TMEM65: variants seen among roughly 807,000 people sequenced by gnomAD.
TMEM65 encodes transmembrane protein 65.
A neutral mutation model predicts 25.4 loss-of-function variants in TMEM65; 22 were observed. That is an observed-to-expected ratio of 0.86 (90% CI 0.62 to 1.23). TMEM65 has a LOEUF of 1.23. TMEM65 is among the 50% of genes most tolerant of loss of function. The pLI is 0.00. For synonymous variants in TMEM65, 132 were observed against 126.2 expected (o/e 1.05, Z -0.31); for missense variants, 262 against 308.2 (o/e 0.85, Z 1.12).
intron 1 of TMEM65, among the ~76,000 whole-genome samples, chr8:124,337,876 CAT>C (rs1370576917): frequency 2.0e-5 from 3 of 151,902 alleles, no homozygotes; most frequent in Admixed American, 1.3e-4. Context: ...TTCTTATACT[CAT>C]AGTTGCATAT....
chr8:124,354,236 A>T (rs1301693857), intron 1 of TMEM65, among the ~76,000 whole-genome samples: 1 of 152,210 alleles, frequency 6.6e-6, no homozygotes, highest in Non-Finnish European at 1.5e-5. Context: ...GATGGATGGA[A>T]ATTAAAAATA....
At position 124,308,065 on chromosome 8, in the gene TMEM65, GTCTT is replaced by G. The variant is rs1814115110; in HGVS notation, c.*5891_*5894del. On this transcript the variant is annotated 3_prime_UTR_variant, in exon 7 of 7. Transcript: ENST00000297632. Reference sequence around the variant, plus strand: ...GGGAAAAGATAAACACCAGCTGCCAGTCTTCTGGCAGTATAACAAGAAGGCCTGG... The same window carrying G: ...GGGAAAAGATAAACACCAGCTGCCAGCTGGCAGTATAACAAGAAGGCCTGG... 6.6e-6 allele frequency: 1 copy of G among 152,146 alleles called. No homozygotes were observed. The highest frequency in any genetic ancestry group is 2.4e-5 in the African/African-American group (1 of 41,426). 9.4% of individuals were successfully genotyped at this position (152,146 alleles called of 1,614,324 possible). A position where few individuals can be genotyped will look rare whatever the true frequency, so the allele number is the denominator to read the frequency against.
intron 5 of TMEM65, among the ~76,000 whole-genome samples, chr8:124,321,853 C>T (rs1814307290): frequency 6.6e-6 from 1 of 152,124 alleles, no homozygotes; most frequent in South Asian, 2.1e-4. Context: ...ATGAAAATTA[C>T]TAAACACAAC....
chr8:124,352,918 G>A (rs937024209), intron 1 of TMEM65, among the ~76,000 whole-genome samples: 1 of 152,152 alleles, frequency 6.6e-6, no homozygotes, highest in African/African-American at 2.4e-5. Context: ...CTTGAGGTCA[G>A]GAGTTTGAGA....
chr8:124,310,805 TAG>T lies in TMEM65; in HGVS notation c.*3153_*3154del, dbSNP rs1386424212. On this transcript the variant is annotated 3_prime_UTR_variant, in exon 7 of 7. Transcript: ENST00000297632. ...CAGACAACTGAGAAAAAAAGCAGAT[TAG>T]AGAGATAAAAGTTGCCAGAAGCAAG... 11 of 151,094 alleles carry T rather than the reference TAG, an allele frequency of 7.3e-5. No individual in the cohort carries two copies. The highest frequency in any genetic ancestry group is 2.2e-4 in the African/African-American group (9 of 41,076). The allele number at this position is 151,094 out of a possible 1,614,324, so 9.4% of individuals were successfully genotyped here.
chr8:124,319,313 T>A (rs1251714990), intron 6 of TMEM65, among the ~76,000 whole-genome samples: 4 of 152,134 alleles, frequency 2.6e-5, no homozygotes, highest in Admixed American at 1.3e-4. Flanking sequence ...ATTTTATTGA[T>A]GGCATCATGA....
intron 1 of TMEM65, among the ~76,000 whole-genome samples, chr8:124,348,280 GT>G (rs11339442): frequency 0.82 from 122,906 of 149,858 alleles, 50,366 homozygotes; most frequent in East Asian, 0.95. Flanking sequence ...TTTCATGGTA[GT>G]TTTTTTTTTT....
intron 1 of TMEM65, among the ~76,000 whole-genome samples, chr8:124,346,357 C>G (rs1814640479): frequency 1.3e-5 from 2 of 152,076 alleles, no homozygotes; most frequent in African/African-American, 4.8e-5. Context: ...ATAGCACACA[C>G]TTTACAGGGT....
rs1586451316 is a variant in TMEM65, at chr8:124,308,024, A to C, written c.*5936T>G. The C allele has an allele frequency of 6.6e-6, 1 of 152,102 alleles. No homozygotes were observed. Among genetic ancestry groups the C allele is most frequent in the Non-Finnish European group, 1.5e-5 (1 of 68,022 alleles). 9.4% of individuals were successfully genotyped at this position (152,102 alleles called of 1,614,324 possible). ...ACTGCACTTATCTATAAAGCTGTTA[A>C]CTCCCAAGTCTTGAAGGGAAAAGAT... On this transcript the variant is annotated 3_prime_UTR_variant, in exon 7 of 7. Coordinates refer to ENST00000297632, the MANE Select transcript of TMEM65 (RefSeq NM_194291.3).
In TMEM65 at chr8:124,307,349, G is replaced by A. The variant is rs1814102991; in HGVS notation, c.*6611C>T. 2 of 152,162 alleles carry A rather than the reference G, an allele frequency of 1.3e-5. No individual in the cohort carries two copies. The allele number at this position is 152,162 out of a possible 1,614,324, so 9.4% of individuals were successfully genotyped here. ...GCTGGAAGTGCTCCCAAGGAGCAAA[G>A]TCATGACATTACAAGAAAAAGTTAA... On this transcript the variant is annotated 3_prime_UTR_variant, in exon 7 of 7. Transcript: ENST00000297632.
intron 1 of TMEM65, among the ~76,000 whole-genome samples, chr8:124,361,518 G>A (rs987250369): frequency 6.7e-6 from 1 of 149,326 alleles, no homozygotes; most frequent in African/African-American, 2.5e-5. Context: ...AAACAAGTCT[G>A]TATACAGAGT....
chr8:124,350,710 C>T (rs1163385296), intron 1 of TMEM65, among the ~76,000 whole-genome samples: 2 of 152,012 alleles, frequency 1.3e-5, no homozygotes, highest in African/African-American at 4.8e-5. Context: ...CTGAAGGTTC[C>T]ACTGTGTGTG....
In TMEM65 at chr8:124,312,545, A is replaced by G. The variant is rs1206139751; in HGVS notation, c.*1415T>C. ...AAATAACTTCAAAAGCCAAAATACT[A>G]TTTTAATTTTAAGTTTCTCTCCTCC... On this transcript the variant is annotated 3_prime_UTR_variant, in exon 7 of 7. Transcript: ENST00000297632. 4 of 60,196 alleles carry G rather than the reference A, an allele frequency of 6.6e-5. No individual in the cohort carries two copies. The highest frequency in any genetic ancestry group is 2.2e-4 in the African/African-American group (4 of 18,438). 3.7% of individuals were successfully genotyped at this position (60,196 alleles called of 1,614,324 possible).
intron 1 of TMEM65, chr8:124,350,937 G>A (rs2131219416): frequency 8.2e-6 from 8 of 971,622 alleles, no homozygotes; most frequent in South Asian, 4.8e-5. Context: ...AAACACTAAC[G>A]CAAAAACAGA....
intron 1 of TMEM65, among the ~76,000 whole-genome samples, chr8:124,357,277 T>A (rs1321236521): frequency 6.6e-6 from 1 of 152,124 alleles, no homozygotes; most frequent in Non-Finnish European, 1.5e-5. Context: ...AGTTGATATA[T>A]ACAATTAATT....
intron 1 of TMEM65, among the ~76,000 whole-genome samples, chr8:124,358,252 A>C (rs1325896189): frequency 6.6e-6 from 1 of 152,218 alleles, no homozygotes; most frequent in Non-Finnish European, 1.5e-5. Context: ...GAAGTAAACA[A>C]AATAATCACA....
chr8:124,344,909 A>C (rs1205104392), intron 1 of TMEM65, among the ~76,000 whole-genome samples: 2 of 152,206 alleles, frequency 1.3e-5, no homozygotes, highest in African/African-American at 4.8e-5. Flanking sequence ...TGACATTAAC[A>C]ATTGTGAATT....
chr8:124,316,319 G>C (rs1280660436), intron 6 of TMEM65, among the ~76,000 whole-genome samples: 2 of 152,002 alleles, frequency 1.3e-5, no homozygotes, highest in African/African-American at 4.8e-5. Context: ...AATATTTTTT[G>C]AATTTCAAAC....
In TMEM65 at chr8:124,372,655, GAGCCGC is replaced by G. The variant is rs1056677215; in HGVS notation, c.-504_-499del. 1.4e-5 allele frequency: 2 copies of G among 142,876 alleles called. No individual in the cohort carries two copies. Among genetic ancestry groups the G allele is most frequent in the Non-Finnish European group, 2.9e-5 (2 of 70,004 alleles). 8.9% of individuals were successfully genotyped at this position (142,876 alleles called of 1,614,324 possible). A position where few individuals can be genotyped will look rare whatever the true frequency, so the allele number is the denominator to read the frequency against. On this transcript the variant is annotated 5_prime_UTR_variant, in exon 1 of 7. Coordinates refer to ENST00000297632, the MANE Select transcript of TMEM65 (RefSeq NM_194291.3). ...GAGCCCTCAAAGCAGCCGCGCTCCCGAGCCGCAGCCGCCGCCGCCGCCGCTACCCCT... is the reference window on the plus strand; with the variant it reads ...GAGCCCTCAAAGCAGCCGCGCTCCCGAGCCGCCGCCGCCGCCGCTACCCCT...
Sources: gnomAD v4.1 joint callset for allele counts (sites outside exome capture counted in the v4.1 genomes callset) on GRCh38, gnomAD v4.1.1 for gene constraint, MANE v1.5 for transcripts, NCBI Gene and HGNC (gene_info 2026-07-23, HGNC 2026-07-21) for gene names.